Variants in TPRG1 observed in about 807,000 individuals in gnomAD.
The protein encoded by TPRG1 is tumor protein p63-regulated gene 1 protein.
In TPRG1, 29 loss-of-function variants were observed where a neutral mutation model predicts 29.3. The observed-to-expected ratio is 0.99, with a 90% CI of 0.74 to 1.35. The LOEUF (loss-of-function observed/expected upper bound fraction) is 1.35, where lower values mean the gene tolerates loss of function less well. TPRG1 is among the 40% of genes most tolerant of loss of function. The probability of loss-of-function intolerance (pLI) is 0.00; values close to 1 mark genes in which losing one functional copy is unlikely to be tolerated. For synonymous variants in TPRG1, 130 were observed against 116.8 expected, an observed-to-expected ratio of 1.11 and a Z score of -0.73; for missense variants, 327 against 335.0, an observed-to-expected ratio of 0.98 and a Z score of 0.19.
intron 1 of TPRG1, among the ~76,000 whole-genome samples, chr3:189,195,601 A>G (rs963622696): frequency 1.3e-5 from 2 of 152,230 alleles, no homozygotes; most frequent in Non-Finnish European, 2.9e-5. Context: ...GGGGCAGGGC[A>G]CAGTGTCAGC....
chr3:189,287,436 T>C (rs1185998032), intron 4 of TPRG1, among the ~76,000 whole-genome samples: 5 of 151,738 alleles, frequency 3.3e-5, no homozygotes, highest in East Asian at 3.9e-4. Flanking sequence ...CTTGCTCTGT[T>C]GCCCAGGCTG....
intron 3 of TPRG1, chr3:189,217,826 A>C: frequency 1.0e-6 from 1 of 985,346 alleles, no homozygotes; most frequent in Non-Finnish European, 1.2e-6. Flanking sequence ...TGGAGGATTT[A>C]AATGGCCTTT....
intron 4 of TPRG1, among the ~76,000 whole-genome samples, chr3:189,261,202 G>A (rs571408584): frequency 1.3e-5 from 2 of 152,214 alleles, no homozygotes; most frequent in African/African-American, 4.8e-5. Flanking sequence ...AGGGGAGGGA[G>A]GTGTGTGTGA....
At chr3:189,017,803 A>G (rs2152123852) in intron 3 of TPRG1, among the ~76,000 whole-genome samples, 1 of 152,306 alleles carries the variant, frequency 6.6e-6, no homozygotes, top group East Asian at 1.9e-4. Context: ...AGGAATCGCC[A>G]CACTGACTTC....
chr3:189,058,591 T>C (rs1715886008), intron 4 of TPRG1, among the ~76,000 whole-genome samples: 1 of 152,232 alleles, frequency 6.6e-6, no homozygotes, highest in African/African-American at 2.4e-5. Context: ...AGAATTAATA[T>C]AGTCTCCACA....
chr3:189,253,211 A>G (rs969903087), intron 4 of TPRG1, among the ~76,000 whole-genome samples: 1 of 151,880 alleles, frequency 6.6e-6, no homozygotes, highest in Non-Finnish European at 1.5e-5. Flanking sequence ...TCACCCCCCA[A>G]CTGGCCCTAG....
chr3:189,121,195 A>G (rs986989853), intron 1 of TPRG1: 1 of 152,174 alleles, frequency 6.6e-6, no homozygotes, highest in Non-Finnish European at 1.5e-5. Context: ...GTACCTGAAA[A>G]ATCTCTTTAG....
intron 1 of TPRG1, among the ~76,000 whole-genome samples, chr3:189,173,561 C>T (rs1729109133): frequency 6.6e-6 from 1 of 151,666 alleles, no homozygotes; most frequent in African/African-American, 2.4e-5. Flanking sequence ...GCTGGAACTT[C>T]TATATATTCT....
At chr3:189,175,502 C>A (rs1451699488) in intron 1 of TPRG1, among the ~76,000 whole-genome samples, 1 of 152,170 alleles carries the variant, frequency 6.6e-6, no homozygotes, top group African/African-American at 2.4e-5. Context: ...CTTTGATGGG[C>A]ATTACGGCTA....
chr3:189,120,801 T>C (rs1183725503), intron 1 of TPRG1, among the ~76,000 whole-genome samples: 1 of 152,210 alleles, frequency 6.6e-6, no homozygotes, highest in Non-Finnish European at 1.5e-5. Context: ...AACCTCGATA[T>C]AGGTCAATAA....
At chr3:189,306,904 G>A (rs559790411) in intron 4 of TPRG1, among the ~76,000 whole-genome samples, 6 of 152,300 alleles carry the variant, frequency 3.9e-5, no homozygotes, top group African/African-American at 1.2e-4. Flanking sequence ...GATTTATACC[G>A]AGTATAATTT....
At chr3:189,110,514 C>G (rs1720380810) in intron 1 of TPRG1, among the ~76,000 whole-genome samples, 1 of 151,930 alleles carries the variant, frequency 6.6e-6, no homozygotes, top group Non-Finnish European at 1.5e-5. Context: ...CTACTGGTAT[C>G]TTTTGAAGAG....
intron 5 of TPRG1, chr3:189,315,652 T>C (rs1723395798): frequency 8.9e-6 from 3 of 337,580 alleles, no homozygotes; most frequent in East Asian, 8.5e-5. Context: ...ATCATGTAAA[T>C]GAACCAATGT....
intron 3 of TPRG1, among the ~76,000 whole-genome samples, chr3:189,231,365 C>T (rs896260396): frequency 6.0e-5 from 9 of 150,300 alleles, no homozygotes; most frequent in Non-Finnish European, 7.4e-5. Flanking sequence ...TTTGTATATC[C>T]GAAAACTATT....
In TPRG1 at chr3:189,078,927, G is replaced by A. The variant is rs9821207; in HGVS notation, c.-462-48130G>A. On this transcript the variant is annotated intron_variant, in intron 4 of 10. Transcript: ENST00000433971. ...TGGGTAGGTCACCATAACTGTCATC[G>A]TGTCTCAGTCTGTTTACATTGCTAT... Among the ~76,000 whole-genome samples, 331 of 152,232 alleles carry A rather than the reference G, an allele frequency of 2.2e-3. 3 individuals are homozygous for A. The highest frequency in any genetic ancestry group is 7.7e-3 in the African/African-American group (318 of 41,522).
rs1314553616 is a variant in TPRG1, at chr3:189,177,523, T to A, written c.-10+5392T>A. Among the ~76,000 whole-genome samples the A allele has an allele frequency of 1.3e-5, 2 of 151,768 alleles. 1 individual carries two copies. Among genetic ancestry groups the A allele is most frequent in the South Asian group, 4.1e-4 (2 of 4,820 alleles). On this transcript the variant is annotated intron_variant, in intron 1 of 5. Transcript: ENST00000345063. ...GTTTATATATGCATATACTTATCTA[T>A]GTATATACATATATATATATGGTAT...
chr3:189,244,980 G>C (rs1741165568), intron 4 of TPRG1, among the ~76,000 whole-genome samples: 1 of 152,168 alleles, frequency 6.6e-6, no homozygotes, highest in South Asian at 2.1e-4. Flanking sequence ...GAGTGCAACG[G>C]TATGATCTTG....
At chr3:189,221,361 TG>T (rs1428569474) in intron 3 of TPRG1, among the ~76,000 whole-genome samples, 1 of 152,206 alleles carries the variant, frequency 6.6e-6, no homozygotes, top group African/African-American at 2.4e-5. Context: ...CCTGGTATGT[TG>T]TCCTCACTTT....
intron 3 of TPRG1, among the ~76,000 whole-genome samples, chr3:189,234,633 C>T (rs1578956467): frequency 6.6e-6 from 1 of 152,088 alleles, no homozygotes; most frequent in South Asian, 2.1e-4. Flanking sequence ...TGAACCAAGG[C>T]ATATAGGTTG....
Sources: gnomAD v4.1 joint callset for allele counts (sites outside exome capture counted in the v4.1 genomes callset) on GRCh38, gnomAD v4.1.1 for gene constraint, MANE v1.5 for transcripts, NCBI Gene and HGNC (gene_info 2026-07-23, HGNC 2026-07-21) for gene names.